ZNF569: variants seen among roughly 807,000 people sequenced by gnomAD.
ZNF569 encodes the protein DNA-binding protein.
Under a neutral mutation model 56.3 loss-of-function variants are expected in ZNF569, and 38 were observed. The observed-to-expected ratio is 0.68, with a 90% CI of 0.52 to 0.88. The LOEUF (loss-of-function observed/expected upper bound fraction) is 0.88, where lower values mean the gene tolerates loss of function less well. Among genes scored for constraint, ZNF569 ranks in the 40% least tolerant of loss-of-function variants. ZNF569 has a pLI of 0.00. For synonymous variants in ZNF569, 241 were observed against 262.9 expected, an observed-to-expected ratio of 0.92 and a Z score of 0.81; for missense variants, 666 against 809.2, an observed-to-expected ratio of 0.82 and a Z score of 2.15.
intron 5 of ZNF569, among the ~76,000 whole-genome samples, chr19:37,416,266 C>CAA (rs945755043): frequency 9.0e-6 from 1 of 111,700 alleles, no homozygotes; most frequent in African/African-American, 3.7e-5. Flanking sequence ...AACAAAAAAA[C>CAA]AAAAAAAAAA....
Position 37,411,846 on chromosome 19 carries a change from C to G in ZNF569, c.*751G>C, listed in dbSNP as rs1222126569. On this transcript the variant is annotated 3_prime_UTR_variant, in exon 6 of 6. Transcript: ENST00000316950. ...GGATTTTTGTATGAATGCTCACTAT[C>G]TTACTACTGCTTGATTTATTCACTT... 1.3e-5 allele frequency: 2 copies of G among 152,136 alleles called. No individual in the cohort carries two copies. The highest frequency in any genetic ancestry group is 2.9e-5 in the Non-Finnish European group (2 of 67,988). 9.4% of individuals were successfully genotyped at this position (152,136 alleles called of 1,614,324 possible).
intron 3 of ZNF569, among the ~76,000 whole-genome samples, chr19:37,436,733 A>C (rs1289882322): frequency 1.3e-5 from 2 of 152,046 alleles, no homozygotes; most frequent in African/African-American, 4.8e-5. Flanking sequence ...AGAAATAGAT[A>C]AATTCCTAGA....
At position 37,412,797 on chromosome 19, in the gene ZNF569, G is replaced by C. The variant is rs1259962226; in HGVS notation, c.1861C>G (p.Leu621Val). Residue 621 changes from leucine (L) to valine (V), a missense_variant, in exon 6 of 6, where the codon CTT becomes GTT. Physicochemically the swap from Leu to Val is conservative, Grantham distance 32. Coordinates refer to ENST00000316950, the MANE Select transcript of ZNF569 (RefSeq NM_152484.3). ...GTATGTCCTCGTATATGTATAGTAA[G>C]GGATGAGCTTTGGGAGAAGGCTTTT... ...CGKAFSQSSS[L>V]TIHIRGHTGE... 2.8e-5 allele frequency: 45 copies of C among 1,613,848 alleles called. No individual in the cohort carries two copies. Among genetic ancestry groups the C allele is most frequent in the Non-Finnish European group, 3.6e-5 (43 of 1,179,938 alleles).
At chr19:37,422,585 T>G (rs150598453) in intron 5 of ZNF569, among the ~76,000 whole-genome samples, 20 of 152,274 alleles carry the variant, frequency 1.3e-4, no homozygotes, top group Admixed American at 3.9e-4. Context: ...AAGCCTTCAA[T>G]TTATAAAAAA....
chr19:37,447,713 A>G (rs985149326), intron 2 of ZNF569, among the ~76,000 whole-genome samples: 1 of 152,132 alleles, frequency 6.6e-6, no homozygotes, highest in African/African-American at 2.4e-5. Context: ...CTCACCATTA[A>G]CTGTAATGTA....
intron 3 of ZNF569, among the ~76,000 whole-genome samples, chr19:37,428,887 G>A (rs1355228365): frequency 6.6e-6 from 1 of 151,660 alleles, no homozygotes; most frequent in African/African-American, 2.4e-5. Flanking sequence ...TGGCCAAGCT[G>A]GTCTCTAACT....
intron 3 of ZNF569, among the ~76,000 whole-genome samples, chr19:37,442,294 G>C (rs2041419299): frequency 6.6e-6 from 1 of 152,196 alleles, no homozygotes. Flanking sequence ...GCAGAAACCT[G>C]AATGATGAGA....
intron 5 of ZNF569, among the ~76,000 whole-genome samples, chr19:37,419,423 C>G (rs1243496785): frequency 6.6e-6 from 1 of 152,086 alleles, no homozygotes; most frequent in Admixed American, 6.5e-5. Flanking sequence ...TTTCCCAGTG[C>G]ATATAAAAGT....
intron 2 of ZNF569, among the ~76,000 whole-genome samples, chr19:37,446,596 C>A (rs1010560118): frequency 4.7e-5 from 7 of 150,518 alleles, no homozygotes; most frequent in Non-Finnish European, 1.0e-4. Flanking sequence ...TTATCTCTCA[C>A]CTTATACAAA....
chr19:37,447,139 C>T (rs891082094), intron 2 of ZNF569, among the ~76,000 whole-genome samples: 11 of 152,060 alleles, frequency 7.2e-5, no homozygotes, highest in East Asian at 1.9e-4. Flanking sequence ...TTTATACTGT[C>T]GGTAGGAATG....
At chr19:37,465,765 T>A (rs1202956435) in intron 1 of ZNF569, among the ~76,000 whole-genome samples, 2 of 152,182 alleles carry the variant, frequency 1.3e-5, no homozygotes, top group Non-Finnish European at 2.9e-5. Context: ...TTTTAACCTA[T>A]CAATTCTACT....
At chr19:37,428,847 GT>G (rs1423742906) in intron 3 of ZNF569, among the ~76,000 whole-genome samples, 2 of 151,580 alleles carry the variant, frequency 1.3e-5, no homozygotes, top group African/African-American at 2.4e-5. Context: ...GCTAATTTTT[GT>G]ATTTTCAGTA....
At position 37,451,115 on chromosome 19, in the gene ZNF569, G is replaced by T. The variant is rs147535495; in HGVS notation, c.-43-6151C>A. On this transcript the variant is annotated intron_variant, in intron 2 of 5. Transcript: ENST00000316950. ...CAGCTGTTGGGTATAAAGTTGTGTAGATGGCCAGGCACGGTGGCTCATGCC... is the reference window on the plus strand; with the variant it reads ...CAGCTGTTGGGTATAAAGTTGTGTATATGGCCAGGCACGGTGGCTCATGCC... 5.8e-3 allele frequency among the ~76,000 whole-genome samples: 885 copies of T among 152,240 alleles called. 4 individuals are homozygous for T. The highest frequency in any genetic ancestry group is 9.4e-3 in the Non-Finnish European group (641 of 68,010).
At chr19:37,457,113 T>C (rs1216281580) in intron 2 of ZNF569, among the ~76,000 whole-genome samples, 4 of 152,132 alleles carry the variant, frequency 2.6e-5, no homozygotes, top group Non-Finnish European at 5.9e-5. Flanking sequence ...TAAAAACATA[T>C]ACACAAACTT....
chr19:37,416,418 C>T lies in ZNF569; in HGVS notation c.239-1999G>A, dbSNP rs564750421. Among the ~76,000 whole-genome samples the T allele has an allele frequency of 1.2e-3, 181 of 152,212 alleles. 2 individuals are homozygous for T. Among genetic ancestry groups the T allele is most frequent in the African/African-American group, 4.2e-3 (176 of 41,538 alleles). On this transcript the variant is annotated intron_variant, in intron 5 of 5. Coordinates refer to ENST00000316950, the MANE Select transcript of ZNF569 (RefSeq NM_152484.3). ...ATTTATTTTTAAAAACCTTCATATA[C>T]AAACAACTACAGTCATCCCTCATTA...
At chr19:37,466,355 C>A (rs563445201) in intron 1 of ZNF569, among the ~76,000 whole-genome samples, 4 of 152,252 alleles carry the variant, frequency 2.6e-5, no homozygotes, top group African/African-American at 9.6e-5. Context: ...TCCGGCCGGG[C>A]GCGGTGGCTT....
chr19:37,446,343 A>T (rs1452946013), intron 2 of ZNF569, among the ~76,000 whole-genome samples: 2 of 152,008 alleles, frequency 1.3e-5, no homozygotes, highest in East Asian at 1.9e-4. Flanking sequence ...AGGTCAGGAG[A>T]TTGAGACCAT....
intron 2 of ZNF569, among the ~76,000 whole-genome samples, chr19:37,458,998 A>G (rs1346467478): frequency 6.6e-6 from 1 of 152,218 alleles, no homozygotes; most frequent in African/African-American, 2.4e-5. Flanking sequence ...CAGAGGAAAA[A>G]GAATGAAAAA....
chr19:37,444,649 T>C (rs114632062), intron 3 of ZNF569, among the ~76,000 whole-genome samples: 2,887 of 152,312 alleles, frequency 0.019, 36 homozygotes, highest in Middle Eastern at 0.068. Flanking sequence ...ATGAAAATTA[T>C]GTAACAAATT....
Sources: allele counts gnomAD v4.1 joint callset (sites outside exome capture counted in the v4.1 genomes callset), GRCh38; gene constraint gnomAD v4.1.1; transcripts MANE v1.5; gene names NCBI Gene and HGNC (gene_info 2026-07-23, HGNC 2026-07-21).